The following MET variants were observed in gnomAD, a reference collection of about 807,000 sequenced individuals.
MET encodes hepatocyte growth factor receptor.
A neutral mutation model predicts 133.1 loss-of-function variants in MET; 48 were observed. The observed-to-expected ratio is 0.36, with a 90% CI of 0.29 to 0.46. The LOEUF (loss-of-function observed/expected upper bound fraction) is 0.46, where lower values mean the gene tolerates loss of function less well. Among genes scored for constraint, MET ranks in the 20% least tolerant of loss-of-function variants. The pLI is 1.00. For missense variants in MET, 1,442 were observed against 1,695.9 expected (o/e 0.85, Z 2.63); for synonymous variants, 628 against 616.5 (o/e 1.02, Z -0.28).
intron 11 of MET, among the ~76,000 whole-genome samples, chr7:116,764,731 G>A (rs765413500): frequency 1.1e-4 from 17 of 152,066 alleles, no homozygotes; most frequent in South Asian, 2.1e-4. Flanking sequence ...CCAACATGGC[G>A]AAAGGGTCTT....
intron 1 of MET, among the ~76,000 whole-genome samples, chr7:116,684,206 CA>C (rs1458077342): frequency 6.6e-6 from 1 of 152,254 alleles, no homozygotes; most frequent in African/African-American, 2.4e-5. Context: ...CCTCTACAAT[CA>C]AAATCCATAT....
At chr7:116,696,007 G>A (rs1395523674) in intron 1 of MET, among the ~76,000 whole-genome samples, 1 of 152,016 alleles carries the variant, frequency 6.6e-6, no homozygotes, top group Non-Finnish European at 1.5e-5. Flanking sequence ...CAAGTAGCTA[G>A]GATTACAGGC....
At chr7:116,732,001 A>G in intron 3 of MET, 142 bp downstream of exon 3, 2 of 792,630 alleles carry the variant, frequency 2.5e-6, no homozygotes, top group Non-Finnish European at 2.1e-6. Context: ...AAAGCCAAAC[A>G]ATGAAGCCTG....
chr7:116,766,555 C>T (rs1035456694), intron 11 of MET, among the ~76,000 whole-genome samples: 3 of 152,132 alleles, frequency 2.0e-5, no homozygotes, highest in African/African-American at 7.2e-5. Context: ...CAACTCTACC[C>T]CTCAATCTCA....
chr7:116,777,245 GTAT>G (rs1795022089), intron 15 of MET, 141 bp from the exon 16 acceptor site: 1 of 706,784 alleles, frequency 1.4e-6, no homozygotes, highest in African/African-American at 1.8e-5. Context: ...ACCTATAGTG[GTAT>G]TGTTAAAAGT....
intron 2 of MET, among the ~76,000 whole-genome samples, chr7:116,716,404 TGAAA>T (rs768265505): frequency 9.3e-4 from 66 of 71,150 alleles, no homozygotes; most frequent in Non-Finnish European, 1.6e-3. Context: ...AAGAGAAATA[TGAAA>T]GAAAGAAAGA....
At chr7:116,688,059 T>G (rs1796622649) in intron 1 of MET, among the ~76,000 whole-genome samples, 2 of 152,352 alleles carry the variant, frequency 1.3e-5, no homozygotes, top group South Asian at 4.1e-4. Flanking sequence ...CCATGCTTTA[T>G]GCCGAGGACA....
intron 3 of MET, among the ~76,000 whole-genome samples, chr7:116,736,143 G>C (rs886295354): frequency 6.6e-6 from 1 of 152,058 alleles, no homozygotes; most frequent in African/African-American, 2.4e-5. Context: ...GTGTAAGAAA[G>C]AACTTTTTAT....
intron 2 of MET, among the ~76,000 whole-genome samples, chr7:116,723,620 A>C (rs1471962014): frequency 1.3e-5 from 2 of 151,820 alleles, no homozygotes; most frequent in Non-Finnish European, 2.9e-5. Flanking sequence ...GGTTTTATCT[A>C]CTTTTGGTCT....
chr7:116,726,584 G>A (rs1051674774), intron 2 of MET, among the ~76,000 whole-genome samples: 14 of 152,102 alleles, frequency 9.2e-5, no homozygotes, highest in Non-Finnish European at 1.9e-4. Flanking sequence ...CAAGGAATGG[G>A]TGTCAGTGAC....
chr7:116,775,693 C>T (rs1164530077), intron 15 of MET, among the ~76,000 whole-genome samples: 2 of 152,018 alleles, frequency 1.3e-5, no homozygotes, highest in African/African-American at 2.4e-5. Flanking sequence ...GGCAGCAGAG[C>T]GAGACTCCAT....
intron 11 of MET, among the ~76,000 whole-genome samples, chr7:116,765,515 G>A (rs913075838): frequency 3.9e-5 from 6 of 151,994 alleles, no homozygotes; most frequent in Admixed American, 1.3e-4. Context: ...ATGGGCAAAA[G>A]GGCGAGCCAG....
chr7:116,793,522 A>G (rs1158021252), intron 19 of MET, among the ~76,000 whole-genome samples: 1 of 151,954 alleles, frequency 6.6e-6, no homozygotes, highest in Non-Finnish European at 1.5e-5. Flanking sequence ...GCACAGTCCC[A>G]TTTCAATCTT....
At chr7:116,748,487 G>A (rs1793782704) in intron 5 of MET, among the ~76,000 whole-genome samples, 1 of 152,206 alleles carries the variant, frequency 6.6e-6, no homozygotes, top group Non-Finnish European at 1.5e-5. Context: ...TGTTTAGAGG[G>A]AAATTTGTAG....
chr7:116,781,265 A>G (rs1031283204), intron 17 of MET, among the ~76,000 whole-genome samples: 1 of 152,150 alleles, frequency 6.6e-6, no homozygotes, highest in Non-Finnish European at 1.5e-5. Flanking sequence ...TCTAGAGCCC[A>G]GGGCTTCCCC....
At chr7:116,792,456 G>GAC (rs56212730) in intron 19 of MET, among the ~76,000 whole-genome samples, 10,067 of 80,406 alleles carry the variant, frequency 0.13, 590 homozygotes, top group East Asian at 0.17. Flanking sequence ...TCAACCGACA[G>GAC]ACACACACAC....
chr7:116,684,941 G>A (rs1369342547), intron 1 of MET, among the ~76,000 whole-genome samples: 1 of 152,174 alleles, frequency 6.6e-6, no homozygotes, highest in Non-Finnish European at 1.5e-5. Flanking sequence ...TAGTAATCCA[G>A]GTATGAAGTG....
At position 116,795,879 on chromosome 7, in the gene MET, T is replaced by G. The variant is rs1274027255; in HGVS notation, c.3936-8T>G. The G allele has an allele frequency of 1.9e-6, 3 of 1,614,234 alleles. No individual in the cohort carries two copies. The highest frequency in any genetic ancestry group is 2.5e-6 in the Non-Finnish European group (3 of 1,180,028). On this transcript the variant is annotated splice_region_variant and splice_polypyrimidine_tract_variant and intron_variant, in intron 20 of 20. Coordinates refer to ENST00000397752, the MANE Select transcript of MET (RefSeq NM_000245.4). ...GTCTCTTACAGCATGTCTTTCTTTT[T>G]GGAACAGATATGAAGTAATGCTAAA...
chr7:116,675,163 TCTC>T (rs1198045160), intron 1 of MET, among the ~76,000 whole-genome samples: 1 of 152,218 alleles, frequency 6.6e-6, no homozygotes, highest in African/African-American at 2.4e-5. Flanking sequence ...GATGATGTGT[TCTC>T]AACTGACACT....
Sources: allele counts gnomAD v4.1 joint callset (sites outside exome capture counted in the v4.1 genomes callset), GRCh38; gene constraint gnomAD v4.1.1; transcripts MANE v1.5; gene names NCBI Gene and HGNC (gene_info 2026-07-23, HGNC 2026-07-21).